The following COQ8A variants were observed in gnomAD, a reference collection of about 807,000 sequenced individuals.
COQ8A encodes the protein coenzyme Q8A.
In COQ8A, 51 loss-of-function variants were observed where a neutral mutation model predicts 65.0. That is an observed-to-expected ratio of 0.78 (90% CI 0.63 to 0.99). The LOEUF (loss-of-function observed/expected upper bound fraction) is 0.99, where lower values mean the gene tolerates loss of function less well. COQ8A is among the 50% of genes least tolerant of loss of function. The pLI, the probability that COQ8A is intolerant of heterozygous loss-of-function variation, is 0.00. For synonymous variants in COQ8A, 371 were observed against 353.2 expected (o/e 1.05, Z -0.57); for missense variants, 940 against 875.0 (o/e 1.07, Z -0.94).
intron 8 of COQ8A, 111 bp downstream of exon 8, chr1:226,983,145 C>T: frequency 7.0e-7 from 1 of 1,436,218 alleles, no homozygotes; most frequent in Non-Finnish European, 9.3e-7. Context: ...ACCCTCTCTC[C>T]TGGCAGGGCC....
At position 226,971,273 on chromosome 1, in the gene COQ8A, C is replaced by G. The variant is rs539358778; in HGVS notation, c.655+5536C>G. On this transcript the variant is annotated intron_variant, in intron 4 of 14. Coordinates refer to ENST00000366777, the MANE Select transcript of COQ8A (RefSeq NM_020247.5). ...TATTTTTTTGAAAATGTCATTATAG[C>G]TGGGCACGGTGGCTCATGCCTGTAA... Among the ~76,000 whole-genome samples, 340 of 151,288 alleles carry G rather than the reference C, an allele frequency of 2.2e-3. 2 individuals are homozygous for G. Among genetic ancestry groups the G allele is most frequent in the African/African-American group, 8.0e-3 (330 of 41,314 alleles).
chr1:226,955,771 CCCTGGT>C, intron 1 of COQ8A, among the ~76,000 whole-genome samples: 1 of 136,074 alleles, frequency 7.3e-6, no homozygotes, highest in African/African-American at 2.9e-5. Flanking sequence ...GGCTCCCACT[CCCTGGT>C]TCACACTCTC....
chr1:226,967,947 C>A (rs764547696), intron 4 of COQ8A, among the ~76,000 whole-genome samples: 18 of 152,204 alleles, frequency 1.2e-4, no homozygotes, highest in Non-Finnish European at 2.4e-4. Flanking sequence ...GCCGTTCTGG[C>A]CCTAGTGGGG....
intron 5 of COQ8A, among the ~76,000 whole-genome samples, chr1:226,981,634 C>T (rs868771854): frequency 4.6e-5 from 7 of 152,194 alleles, no homozygotes; most frequent in African/African-American, 7.2e-5. Flanking sequence ...GGCAAAGGCT[C>T]GGCACCTCCT....
At chr1:226,977,594 C>G in intron 5 of COQ8A, 71 bp downstream of exon 5, 2 of 1,488,974 alleles carry the variant, frequency 1.3e-6, no homozygotes, top group Non-Finnish European at 1.8e-6. Flanking sequence ...CCCCCAGCCC[C>G]ACCTGTGCTC....
At chr1:226,976,752 T>G (rs1315171431) in intron 4 of COQ8A, among the ~76,000 whole-genome samples, 1 of 152,144 alleles carries the variant, frequency 6.6e-6, no homozygotes, top group African/African-American at 2.4e-5. Flanking sequence ...TTAGTGGACC[T>G]TGATTCGGAA....
chr1:226,955,850 C>T, intron 1 of COQ8A, among the ~76,000 whole-genome samples: 1 of 123,182 alleles, frequency 8.1e-6, no homozygotes, highest in Non-Finnish European at 1.7e-5. Context: ...TCACACTCTC[C>T]CTGGCTCTCA....
Position 226,977,291 on chromosome 1 carries a change from C to A in COQ8A, c.656-158C>A, listed in dbSNP as rs1024800958. 4.6e-6 allele frequency: 3 copies of A among 646,238 alleles called. No individual in the cohort carries two copies. The African/African-American group carries it at 5.5e-5, about 12-fold the overall frequency. 40.0% of individuals were successfully genotyped at this position (646,238 alleles called of 1,614,324 possible). ...GTTCTCTTAAAACAACAGGTGGCATCTCCCACCTTGTTCCCCACTTTTCAA... is the reference window on the plus strand; with the variant it reads ...GTTCTCTTAAAACAACAGGTGGCATATCCCACCTTGTTCCCCACTTTTCAA... On this transcript the variant is annotated intron_variant, in intron 4 of 14. Coordinates refer to ENST00000366777, the MANE Select transcript of COQ8A (RefSeq NM_020247.5).
chr1:226,978,224 CTACA>C (rs530697821), intron 5 of COQ8A, among the ~76,000 whole-genome samples: 14 of 104,970 alleles, frequency 1.3e-4, no homozygotes, highest in East Asian at 1.3e-3. Context: ...TACACACCCT[CTACA>C]CACCCACCAC....
At chr1:226,942,113 C>T (rs908351915) in intron 1 of COQ8A, among the ~76,000 whole-genome samples, 1 of 152,014 alleles carries the variant, frequency 6.6e-6, no homozygotes, top group Non-Finnish European at 1.5e-5. Flanking sequence ...AAAGTGTTTC[C>T]AGACATTGCC....
chr1:226,966,214 C>T (rs937108346), intron 4 of COQ8A, among the ~76,000 whole-genome samples: 2 of 152,212 alleles, frequency 1.3e-5, no homozygotes, highest in African/African-American at 2.4e-5. Flanking sequence ...CACAGGCCTG[C>T]GGCTCATGAG....
chr1:226,978,223 T>A (rs1659388441), intron 5 of COQ8A, among the ~76,000 whole-genome samples: 3 of 93,132 alleles, frequency 3.2e-5, no homozygotes, highest in East Asian at 4.0e-4. Flanking sequence ...TTACACACCC[T>A]CTACACACCC....
At chr1:226,967,527 G>T (rs989742318) in intron 4 of COQ8A, among the ~76,000 whole-genome samples, 3 of 152,230 alleles carry the variant, frequency 2.0e-5, no homozygotes, top group African/African-American at 7.2e-5. Flanking sequence ...TTAGAATCTG[G>T]TGGAGCACCA....
intron 4 of COQ8A, among the ~76,000 whole-genome samples, chr1:226,969,187 A>G (rs1363912771): frequency 6.6e-6 from 1 of 152,240 alleles, no homozygotes; most frequent in Non-Finnish European, 1.5e-5. Context: ...TCAATAAGCT[A>G]TCGAGAGAGG....
At position 226,949,411 on chromosome 1, in the gene COQ8A, G is replaced by T. The variant is rs968915314; in HGVS notation, c.-10+9012G>T. Among the ~76,000 whole-genome samples the T allele has an allele frequency of 6.6e-6, 1 of 151,928 alleles. No individual in the cohort carries two copies. The highest frequency in any genetic ancestry group is 1.5e-5 in the Non-Finnish European group (1 of 67,998). ...GCTGGGGAGCTTGTGGGAGTTAGAG[G>T]GGTTTTCTTCCCAACTGCCTCTCCC... On this transcript the variant is annotated intron_variant, in intron 1 of 14. Transcript: ENST00000366777. This position sits in a 1 kb window ranked among gnomAD's most constrained non-coding sequence, Gnocchi z 4.0.
intron 4 of COQ8A, among the ~76,000 whole-genome samples, chr1:226,967,354 T>G (rs1044167914): frequency 6.6e-6 from 1 of 152,222 alleles, no homozygotes; most frequent in Non-Finnish European, 1.5e-5. Flanking sequence ...CCCTCTTCCT[T>G]TCACTCTAGA....
In COQ8A at chr1:226,972,958, C is replaced by G. The variant is rs770737535; in HGVS notation, c.656-4491C>G. 6.6e-6 allele frequency among the ~76,000 whole-genome samples: 1 copy of G among 152,228 alleles called. No homozygotes were observed. Among genetic ancestry groups the G allele is most frequent in the Non-Finnish European group, 1.5e-5 (1 of 68,044 alleles). On this transcript the variant is annotated intron_variant, in intron 4 of 14. Coordinates refer to ENST00000366777, the MANE Select transcript of COQ8A (RefSeq NM_020247.5). This position sits in a 1 kb window ranked among gnomAD's most constrained non-coding sequence, Gnocchi z 4.3. ...TATCACTTGGTTTCTGGACACGGTTCGAGACCTGGCTGTGGCTTGCTGTGG... is the reference window on the plus strand; with the variant it reads ...TATCACTTGGTTTCTGGACACGGTTGGAGACCTGGCTGTGGCTTGCTGTGG...
chr1:226,952,070 C>T (rs992356993), intron 1 of COQ8A, among the ~76,000 whole-genome samples: 9 of 152,158 alleles, frequency 5.9e-5, no homozygotes, highest in South Asian at 4.1e-4. Flanking sequence ...TCATTATTTC[C>T]GTCTTTTAAC....
rs745711486 is a variant in COQ8A at position 226,986,472 on chromosome 1, T to TG, written c.1681dup (p.Asp561GlyfsTer13). Reference sequence around the variant, plus strand: ...CCCCAGGTCATGGAAGACGCCCACTTGGATGCCATCCTCATCCTGGGGGAG... The same window carrying TG: ...CCCCAGGTCATGGAAGACGCCCACTTGGGATGCCATCCTCATCCTGGGGGAG... On this transcript the variant is annotated frameshift_variant, in exon 15 of 15. Transcript: ENST00000366777. LOFTEE classifies it high-confidence loss of function. 10 of 1,612,942 alleles carry TG rather than the reference T, an allele frequency of 6.2e-6. No individual in the cohort carries two copies. The highest frequency in any genetic ancestry group is 8.5e-6 in the Non-Finnish European group (10 of 1,179,964).
Sources: gnomAD v4.1 joint callset for allele counts (sites outside exome capture counted in the v4.1 genomes callset) on GRCh38, gnomAD v4.1.1 for gene constraint, Gnocchi (gnomAD v3.1) non-coding constraint, MANE v1.5 for transcripts, NCBI Gene and HGNC (gene_info 2026-07-23, HGNC 2026-07-21) for gene names.